The following RABGAP1L variants were observed in gnomAD, a reference collection of about 807,000 sequenced individuals.
The protein encoded by RABGAP1L is RAB GTPase activating protein 1 like, also known as rab GTPase-activating protein 1-like.
RABGAP1L carries 63 observed loss-of-function variants against 137.7 expected under a neutral mutation model. The ratio of observed to expected loss-of-function variants is 0.46; its 90% CI spans 0.37 to 0.56. RABGAP1L has a LOEUF of 0.56. RABGAP1L is among the 20% of genes least tolerant of loss of function. The pLI is 0.00. For missense variants in RABGAP1L, 1,095 were observed against 1,244.0 expected (o/e 0.88, Z 1.80); for synonymous variants, 431 against 433.7 (o/e 0.99, Z 0.08).
At chr1:174,869,172 G>A (rs759409809) in intron 19 of RABGAP1L, among the ~76,000 whole-genome samples, 1 of 152,112 alleles carries the variant, frequency 6.6e-6, no homozygotes, top group Non-Finnish European at 1.5e-5. Context: ...GCTTTCCAGA[G>A]TCAGGTACCT....
At position 174,205,343 on chromosome 1, in the gene RABGAP1L, A is replaced by G. The variant is rs192310582; in HGVS notation, c.-33-13782A>G. ...AGTCCCTCCTCCTCAGTTTTTTGGA[A>G]TAGTTTCTGTAGGAATGGTACCAGC... On this transcript the variant is annotated intron_variant, in intron 1 of 25. Transcript: ENST00000681986. 7.2e-5 allele frequency among the ~76,000 whole-genome samples: 11 copies of G among 152,162 alleles called. No homozygotes were observed. The East Asian group carries it at 1.7e-3, about 24-fold the overall frequency.
intron 19 of RABGAP1L, among the ~76,000 whole-genome samples, chr1:174,822,918 C>A (rs1691193144): frequency 6.6e-6 from 1 of 152,142 alleles, no homozygotes; most frequent in Admixed American, 6.5e-5. Context: ...AAAAAGAAAG[C>A]CATACATACA....
At chr1:174,629,766 C>A (rs570408778) in intron 13 of RABGAP1L, among the ~76,000 whole-genome samples, 1 of 152,120 alleles carries the variant, frequency 6.6e-6, no homozygotes, top group Non-Finnish European at 1.5e-5. Context: ...TCAGGCAATC[C>A]GCCCGCCTCA....
At chr1:174,608,062 A>G (rs1670917464) in intron 13 of RABGAP1L, among the ~76,000 whole-genome samples, 1 of 152,154 alleles carries the variant, frequency 6.6e-6, no homozygotes, top group African/African-American at 2.4e-5. Flanking sequence ...TGGATTTTAT[A>G]AACTCTCTTC....
chr1:174,420,429 A>G (rs181639209), intron 13 of RABGAP1L, among the ~76,000 whole-genome samples: 1 of 152,240 alleles, frequency 6.6e-6, no homozygotes, highest in African/African-American at 2.4e-5. Context: ...ACTGACATAG[A>G]GATAATGATA....
intron 10 of RABGAP1L, among the ~76,000 whole-genome samples, chr1:174,294,313 C>A (rs1205208079): frequency 1.3e-5 from 2 of 152,092 alleles, no homozygotes. Flanking sequence ...AATTGAAGAA[C>A]TAATTCTGGT....
chr1:174,360,992 TA>T lies in RABGAP1L; in HGVS notation c.1466-9981del, dbSNP rs1392699179. Among the ~76,000 whole-genome samples the T allele has an allele frequency of 6.8e-4, 104 of 152,152 alleles. 1 individual carries two copies. The highest frequency in any genetic ancestry group is 2.3e-3 in the African/African-American group (95 of 41,516). ...TAACACGGTGAAACGCCGTCTCTAC[TA>T]AAAAATACAAAAAATTAGCTGGGCA... On this transcript the variant is annotated intron_variant, in intron 11 of 25. Transcript: ENST00000681986.
chr1:174,221,055 T>C lies in RABGAP1L; in HGVS notation c.222T>C (p.Leu74=), dbSNP rs746856211. ...RDSEKRPSSL[L]VDCQSSSEIS... ...CCGAGAAAAGGCCAAGCAGTCTTCTTGTTGATTGTCAAAGTTCCAGTGAGA... is the reference window on the plus strand; with the variant it reads ...CCGAGAAAAGGCCAAGCAGTCTTCTCGTTGATTGTCAAAGTTCCAGTGAGA... The change falls in exon 3 of 26, where the codon CTT becomes CTC. Residue 74 remains leucine (L), a synonymous_variant. Transcript: ENST00000681986. 2 of 1,613,986 alleles carry C rather than the reference T, an allele frequency of 1.2e-6. No homozygotes were observed. Among genetic ancestry groups the C allele is most frequent in the Non-Finnish European group, 1.7e-6 (2 of 1,179,928 alleles).
chr1:174,185,519 G>A (rs981922619), intron 1 of RABGAP1L, among the ~76,000 whole-genome samples: 2 of 152,096 alleles, frequency 1.3e-5, no homozygotes, highest in African/African-American at 2.4e-5. Context: ...GTTAGTATGT[G>A]ATAGTTGTAG....
chr1:174,608,983 T>C (rs1477697550), intron 13 of RABGAP1L, among the ~76,000 whole-genome samples: 1 of 152,174 alleles, frequency 6.6e-6, no homozygotes, highest in Non-Finnish European at 1.5e-5. Context: ...TTTCATATTG[T>C]GAACTACTTA....
At chr1:174,814,700 CTTT>C (rs370445261) in intron 19 of RABGAP1L, among the ~76,000 whole-genome samples, 1 of 145,580 alleles carries the variant, frequency 6.9e-6, no homozygotes, top group African/African-American at 2.5e-5. Flanking sequence ...ATTGTATTTC[CTTT>C]TTTTTTTTTG....
intron 19 of RABGAP1L, among the ~76,000 whole-genome samples, chr1:174,881,591 C>T (rs1036521525): frequency 1.3e-5 from 2 of 149,256 alleles, no homozygotes; most frequent in African/African-American, 2.5e-5. Flanking sequence ...CCTTCGCCTC[C>T]TGGGTTCAAG....
chr1:174,346,112 T>C (rs1460816184), intron 11 of RABGAP1L, among the ~76,000 whole-genome samples: 1 of 152,186 alleles, frequency 6.6e-6, no homozygotes, highest in Non-Finnish European at 1.5e-5. Flanking sequence ...TCATGATGAA[T>C]GATCTTTTTA....
chr1:174,972,290 ATT>A (rs1384656207), intron 21 of RABGAP1L, among the ~76,000 whole-genome samples: 1 of 152,172 alleles, frequency 6.6e-6, no homozygotes. Context: ...GTGGAAAATT[ATT>A]TTGTTTTATT....
At position 174,932,140 on chromosome 1, in the gene RABGAP1L, A is replaced by G. The variant is rs533857750; in HGVS notation, c.2341-25317A>G. On this transcript the variant is annotated intron_variant, in intron 19 of 25. Coordinates refer to ENST00000681986, the MANE Select transcript of RABGAP1L (RefSeq NM_001366446.1). The stretch of plus-strand genomic sequence containing the variant: ...TGGTAAATTAGAAAGGACCCAGAGG[A>G]ATCATCTGGTACTTTTCCTTCATAT... Among the ~76,000 whole-genome samples, 5 of 151,750 alleles carry G rather than the reference A, an allele frequency of 3.3e-5. No homozygotes were observed. The East Asian group carries it at 9.7e-4, about 29-fold the overall frequency.
chr1:174,682,248 T>A (rs894711823), intron 14 of RABGAP1L, among the ~76,000 whole-genome samples: 1 of 151,082 alleles, frequency 6.6e-6, no homozygotes, highest in African/African-American at 2.4e-5. Flanking sequence ...GCCATTGCAC[T>A]CCAGCCTGGG....
At chr1:174,453,842 A>C (rs1331958835) in intron 13 of RABGAP1L, among the ~76,000 whole-genome samples, 2 of 152,184 alleles carry the variant, frequency 1.3e-5, no homozygotes, top group Non-Finnish European at 2.9e-5. Context: ...TTCAATAGTA[A>C]AAGTGTTTTT....
intron 11 of RABGAP1L, among the ~76,000 whole-genome samples, chr1:174,350,084 G>C (rs1387645796): frequency 2.9e-5 from 4 of 138,526 alleles, no homozygotes; most frequent in African/African-American, 1.1e-4. Context: ...GGCTGGGCGG[G>C]GGGCTGACCC....
chr1:174,294,444 A>C (rs745555111), intron 10 of RABGAP1L, among the ~76,000 whole-genome samples: 1 of 152,200 alleles, frequency 6.6e-6, no homozygotes, highest in Non-Finnish European at 1.5e-5. Context: ...GTGGGAAATC[A>C]GATATTGATG....
Sources: gnomAD v4.1 joint callset for allele counts (sites outside exome capture counted in the v4.1 genomes callset) on GRCh38, gnomAD v4.1.1 for gene constraint, MANE v1.5 for transcripts, NCBI Gene and HGNC (gene_info 2026-07-23, HGNC 2026-07-21) for gene names.